AUTS2: variants seen among roughly 807,000 people sequenced by gnomAD.
The protein encoded by AUTS2 is autism susceptibility gene 2 protein.
Under a neutral mutation model 112.4 loss-of-function variants are expected in AUTS2, and 17 were observed. That is an observed-to-expected ratio of 0.15 (90% CI 0.10 to 0.23). The LOEUF is 0.23. Among genes scored for constraint, AUTS2 ranks in the 10% least tolerant of loss-of-function variants. The pLI, the probability that AUTS2 is intolerant of heterozygous loss-of-function variation, is 1.00. For missense variants in AUTS2, 1,510 were observed against 1,701.6 expected (o/e 0.89, Z 1.98); for synonymous variants, 751 against 702.7 (o/e 1.07, Z -1.09).
At chr7:69,960,414 A>T (rs1489408007) in intron 2 of AUTS2, among the ~76,000 whole-genome samples, 3 of 152,190 alleles carry the variant, frequency 2.0e-5, no homozygotes, top group Non-Finnish European at 4.4e-5. Context: ...CTAGTAGTCA[A>T]TGAATATTAA....
chr7:69,963,214 TTAATAA>T (rs201575988), intron 2 of AUTS2, among the ~76,000 whole-genome samples: 5 of 152,136 alleles, frequency 3.3e-5, no homozygotes, highest in East Asian at 3.8e-4. Context: ...GGATAAGTTA[TTAATAA>T]TAATAATAAG....
At chr7:69,838,719 A>C (rs1360513164) in intron 1 of AUTS2, among the ~76,000 whole-genome samples, 1 of 152,220 alleles carries the variant, frequency 6.6e-6, no homozygotes, top group Admixed American at 6.5e-5. Flanking sequence ...TAGCACAACC[A>C]AATAAAAAAA....
intron 5 of AUTS2, among the ~76,000 whole-genome samples, chr7:70,457,933 A>C (rs910472857): frequency 2.0e-5 from 3 of 152,162 alleles, no homozygotes; most frequent in Non-Finnish European, 4.4e-5. Flanking sequence ...CACCCACTGG[A>C]CTTGTGTGTC....
intron 1 of AUTS2, among the ~76,000 whole-genome samples, chr7:69,614,340 C>CTTTCTTTCTTTTCTTTCT (rs1793217093): frequency 1.7e-5 from 1 of 60,462 alleles, no homozygotes; most frequent in South Asian, 6.3e-4. Context: ...TTCTTTCTTT[C>CTTTCTTTCTTTTCTTTCT]TTTCTTTCTT....
intron 2 of AUTS2, among the ~76,000 whole-genome samples, chr7:70,078,672 A>G (rs1005624094): frequency 6.6e-6 from 1 of 152,214 alleles, no homozygotes; most frequent in African/African-American, 2.4e-5. Flanking sequence ...AATGTCCTTC[A>G]CTATCAATCC....
chr7:70,429,984 G>T (rs991645687), intron 4 of AUTS2, among the ~76,000 whole-genome samples: 3 of 152,094 alleles, frequency 2.0e-5, no homozygotes, highest in African/African-American at 7.2e-5. Context: ...TAGAAATTTA[G>T]GAAATCCACT....
chr7:70,419,738 A>G (rs1034028179), intron 4 of AUTS2, among the ~76,000 whole-genome samples: 19 of 152,258 alleles, frequency 1.2e-4, no homozygotes, highest in African/African-American at 4.8e-5. Flanking sequence ...CTCCAGAAGT[A>G]TATGAGTGTC....
chr7:70,335,882 G>A (rs554806467), intron 4 of AUTS2, among the ~76,000 whole-genome samples: 1 of 152,280 alleles, frequency 6.6e-6, no homozygotes. Context: ...GCAGGTCTCT[G>A]TATGTAGTTA....
At chr7:70,771,695 C>T (rs978720828) in intron 11 of AUTS2, 51 bp downstream of exon 11, 5 of 1,531,488 alleles carry the variant, frequency 3.3e-6, no homozygotes, top group Middle Eastern at 3.9e-4. Context: ...AGTGGCGTCC[C>T]GGGCCAGGCG....
chr7:70,422,375 C>A (rs1468498864), intron 4 of AUTS2, among the ~76,000 whole-genome samples: 1 of 152,196 alleles, frequency 6.6e-6, no homozygotes, highest in Non-Finnish European at 1.5e-5. Flanking sequence ...AAAAGAAATA[C>A]AGTTTTTTTA....
At chr7:69,807,422 G>A (rs568551563) in intron 1 of AUTS2, among the ~76,000 whole-genome samples, 3 of 152,218 alleles carry the variant, frequency 2.0e-5, no homozygotes, top group African/African-American at 7.2e-5. Context: ...GAATTTCTGA[G>A]TGACTTATCT....
In AUTS2 at chr7:70,114,729, A is replaced by G. The variant is rs1315140566; in HGVS notation, c.523-3403A>G. Among the ~76,000 whole-genome samples, 3 of 151,822 alleles carry G rather than the reference A, an allele frequency of 2.0e-5. No individual in the cohort carries two copies. The East Asian group carries it at 5.8e-4, about 29-fold the overall frequency. On this transcript the variant is annotated intron_variant, in intron 2 of 18. Transcript: ENST00000342771. ...GGCAGGAGAATCGCTTGAACCGGGG[A>G]GGCGGAGGTTGCGGTGAGCAGAGAT...
At chr7:70,018,427 C>CTGAA (rs1341726118) in intron 2 of AUTS2, among the ~76,000 whole-genome samples, 16 of 152,160 alleles carry the variant, frequency 1.1e-4, no homozygotes, top group Non-Finnish European at 7.4e-5. Flanking sequence ...TCAACTTCAA[C>CTGAA]CACTCAGTTT....
chr7:69,690,862 C>T (rs897714953), intron 1 of AUTS2, among the ~76,000 whole-genome samples: 3 of 152,156 alleles, frequency 2.0e-5, no homozygotes, highest in South Asian at 2.1e-4. Context: ...GAATGAGATA[C>T]GTGGACAACC....
intron 4 of AUTS2, among the ~76,000 whole-genome samples, chr7:70,281,738 A>G (rs868559119): frequency 2.0e-5 from 3 of 152,270 alleles, no homozygotes; most frequent in Admixed American, 6.5e-5. Context: ...TTTCAGATCT[A>G]CATATTGTAT....
chr7:70,639,349 G>A (rs547042466), intron 5 of AUTS2, among the ~76,000 whole-genome samples: 3 of 152,140 alleles, frequency 2.0e-5, no homozygotes, highest in African/African-American at 4.8e-5. Context: ...GTTGAAGATT[G>A]AAACCTTTCC....
intron 1 of AUTS2, among the ~76,000 whole-genome samples, chr7:69,860,389 C>A (rs115801878): frequency 0.019 from 2,914 of 152,216 alleles, 81 homozygotes; most frequent in South Asian, 0.063. Flanking sequence ...AATTAACATA[C>A]AATCAAATGT....
intron 2 of AUTS2, among the ~76,000 whole-genome samples, chr7:69,965,846 G>A (rs1030007029): frequency 6.6e-6 from 1 of 152,144 alleles, no homozygotes; most frequent in Non-Finnish European, 1.5e-5. Context: ...GATCTCGTAA[G>A]ACACACTTTC....
chr7:69,790,247 TA>T (rs1344912423), intron 1 of AUTS2, among the ~76,000 whole-genome samples: 2 of 152,198 alleles, frequency 1.3e-5, no homozygotes, highest in Admixed American at 1.3e-4. Context: ...GCTTTGATTG[TA>T]CCACTGCACT....
Sources: allele counts gnomAD v4.1 joint callset (sites outside exome capture counted in the v4.1 genomes callset), GRCh38; gene constraint gnomAD v4.1.1; transcripts MANE v1.5; gene names NCBI Gene and HGNC (gene_info 2026-07-23, HGNC 2026-07-21).